B3GALT1: variants seen among roughly 807,000 people sequenced by gnomAD.
B3GALT1 encodes beta-1,3-galactosyltransferase 1.
Under a neutral mutation model 23.2 loss-of-function variants are expected in B3GALT1, and 10 were observed. The observed-to-expected ratio is 0.43, with a 90% CI of 0.27 to 0.73. The LOEUF is 0.73. B3GALT1 is among the 30% of genes least tolerant of loss of function. The probability of loss-of-function intolerance (pLI) is 0.21; values close to 1 mark genes in which losing one functional copy is unlikely to be tolerated. For synonymous variants in B3GALT1, 156 were observed against 141.5 expected, an observed-to-expected ratio of 1.10 and a Z score of -0.73; for missense variants, 299 against 405.4, an observed-to-expected ratio of 0.74 and a Z score of 2.25.
At chr2:167,819,090 C>G (rs960295772) in intron 4 of B3GALT1, among the ~76,000 whole-genome samples, 1 of 151,706 alleles carries the variant, frequency 6.6e-6, no homozygotes, top group Non-Finnish European at 1.5e-5. Flanking sequence ...GAAAAAAACT[C>G]ATAGCTTAAA....
intron 1 of B3GALT1, among the ~76,000 whole-genome samples, chr2:167,419,193 A>G (rs1214289838): frequency 6.6e-6 from 1 of 152,232 alleles, no homozygotes; most frequent in African/African-American, 2.4e-5. Flanking sequence ...GAACTGGCAA[A>G]TAAGTACTAG....
chr2:167,863,530 A>G (rs1690147338), intron 4 of B3GALT1, among the ~76,000 whole-genome samples: 1 of 152,234 alleles, frequency 6.6e-6, no homozygotes, highest in Admixed American at 6.5e-5. Context: ...GGCTACTGAG[A>G]CACAGAAAAT....
chr2:167,667,490 G>A (rs1269869174), intron 3 of B3GALT1, among the ~76,000 whole-genome samples: 1 of 152,068 alleles, frequency 6.6e-6, no homozygotes, highest in Admixed American at 6.5e-5. Context: ...GAATCTGAAT[G>A]TTGGCCTGCC....
chr2:167,721,704 A>G (rs1222723671), intron 3 of B3GALT1, among the ~76,000 whole-genome samples: 1 of 152,228 alleles, frequency 6.6e-6, no homozygotes, highest in Non-Finnish European at 1.5e-5. Context: ...GAAGAAATCA[A>G]TGTAGAATCT....
intron 3 of B3GALT1, among the ~76,000 whole-genome samples, chr2:167,741,719 C>T (rs568287408): frequency 1.3e-5 from 2 of 152,182 alleles, no homozygotes; most frequent in South Asian, 2.1e-4. Context: ...ACATCTTTGA[C>T]CTTGAAGTTC....
chr2:167,781,593 G>T (rs1251392688), intron 3 of B3GALT1, among the ~76,000 whole-genome samples: 1 of 152,202 alleles, frequency 6.6e-6, no homozygotes, highest in South Asian at 2.1e-4. Context: ...AAAGTTTGGT[G>T]TTATTTCCTC....
At chr2:167,380,466 A>G (rs1697833278) in intron 1 of B3GALT1, among the ~76,000 whole-genome samples, 1 of 152,116 alleles carries the variant, frequency 6.6e-6, no homozygotes, top group Admixed American at 6.6e-5. Flanking sequence ...CTTACTGCTG[A>G]GGCACTTGCC....
At chr2:167,831,978 T>C (rs1689363823) in intron 4 of B3GALT1, among the ~76,000 whole-genome samples, 1 of 152,212 alleles carries the variant, frequency 6.6e-6, no homozygotes, top group South Asian at 2.1e-4. Flanking sequence ...TAAACTCCCT[T>C]TTAAAAAGCC....
intron 2 of B3GALT1, among the ~76,000 whole-genome samples, chr2:167,510,659 G>C (rs965861226): frequency 2.0e-5 from 3 of 151,912 alleles, no homozygotes; most frequent in African/African-American, 7.3e-5. Flanking sequence ...TGATTTTCAG[G>C]GTTTTCACCT....
chr2:167,437,317 G>T (rs1415475220), intron 1 of B3GALT1, among the ~76,000 whole-genome samples: 1 of 152,136 alleles, frequency 6.6e-6, no homozygotes, highest in African/African-American at 2.4e-5. Context: ...CCTATTTTGA[G>T]GACAAAGGTA....
intron 1 of B3GALT1, among the ~76,000 whole-genome samples, chr2:167,452,253 CT>C (rs1385577640): frequency 6.6e-6 from 1 of 152,142 alleles, no homozygotes; most frequent in African/African-American, 2.4e-5. Flanking sequence ...CAAAGTTCAG[CT>C]GGAAGTTTCC....
chr2:167,637,059 G>T (rs2105452114), intron 2 of B3GALT1, among the ~76,000 whole-genome samples: 1 of 152,074 alleles, frequency 6.6e-6, no homozygotes, highest in African/African-American at 2.4e-5. Context: ...ACCCTGATTA[G>T]TTAGTGCCCA....
chr2:167,740,098 C>CTAAA (rs57363909), intron 3 of B3GALT1, among the ~76,000 whole-genome samples: 15,779 of 142,856 alleles, frequency 0.11, 1,030 homozygotes, highest in Admixed American at 0.14. Flanking sequence ...GACTCTGTCT[C>CTAAA]TAAATAAATA....
intron 2 of B3GALT1, among the ~76,000 whole-genome samples, chr2:167,499,350 T>C (rs1449423463): frequency 6.6e-6 from 1 of 152,142 alleles, no homozygotes; most frequent in Non-Finnish European, 1.5e-5. Context: ...CCAGAAATGA[T>C]TTTTTTAAAA....
At chr2:167,690,758 A>G (rs1408697768) in intron 3 of B3GALT1, among the ~76,000 whole-genome samples, 3 of 152,142 alleles carry the variant, frequency 2.0e-5, no homozygotes, top group Non-Finnish European at 2.9e-5. Flanking sequence ...TCACTATTCA[A>G]TGCAGGGTCT....
chr2:167,688,574 A>C (rs2105499176), intron 3 of B3GALT1, among the ~76,000 whole-genome samples: 1 of 152,254 alleles, frequency 6.6e-6, no homozygotes, highest in Non-Finnish European at 1.5e-5. Flanking sequence ...AATCAGTTAA[A>C]GGTGGAGCAA....
intron 2 of B3GALT1, among the ~76,000 whole-genome samples, chr2:167,548,938 C>T (rs1683698809): frequency 6.6e-6 from 1 of 152,006 alleles, no homozygotes; most frequent in Non-Finnish European, 1.5e-5. Flanking sequence ...TCAAGTTCTA[C>T]CTCTCATTTT....
intron 2 of B3GALT1, among the ~76,000 whole-genome samples, chr2:167,611,859 G>A (rs1052739482): frequency 3.3e-5 from 5 of 151,858 alleles, no homozygotes; most frequent in Admixed American, 2.0e-4. Flanking sequence ...TCAAGTTTAA[G>A]CAGAAATATT....
intron 3 of B3GALT1, among the ~76,000 whole-genome samples, chr2:167,648,316 A>G (rs16854002): frequency 0.042 from 6,363 of 152,222 alleles, 464 homozygotes; most frequent in African/African-American, 0.15. Context: ...TCGTTGATCT[A>G]GTCCCAAGAT....
Sources: allele counts gnomAD v4.1 joint callset (sites outside exome capture counted in the v4.1 genomes callset), GRCh38; gene constraint gnomAD v4.1.1; transcripts MANE v1.5; gene names NCBI Gene and HGNC (gene_info 2026-07-23, HGNC 2026-07-21).